Variants in STX17 observed in about 807,000 individuals in gnomAD.
STX17 encodes the protein syntaxin 17.
In STX17, 29 loss-of-function variants were observed where a neutral mutation model predicts 35.9. That is an observed-to-expected ratio of 0.81 (90% CI 0.60 to 1.10). STX17 has a LOEUF of 1.10. Among genes scored for constraint, STX17 ranks in the 50% least tolerant of loss-of-function variants. STX17 has a pLI of 0.00. For missense variants in STX17, 312 were observed against 352.3 expected, an observed-to-expected ratio of 0.89 and a Z score of 0.92; for synonymous variants, 92 against 118.3, an observed-to-expected ratio of 0.78 and a Z score of 1.44.
chr9:99,967,775 T>C (rs752034681), intron 7 of STX17, 36 bp downstream of exon 7: 1 of 1,582,036 alleles, frequency 6.3e-7, no homozygotes, highest in South Asian at 1.1e-5. Context: ...TCAATGGTAC[T>C]CTGGCTCCCA....
chr9:99,934,494 G>A (rs1829187101), intron 3 of STX17, among the ~76,000 whole-genome samples: 1 of 152,102 alleles, frequency 6.6e-6, no homozygotes, highest in Admixed American at 6.5e-5. Context: ...TGAAATAAGT[G>A]AGAAGTCATT....
At chr9:99,936,510 T>C (rs1479811691) in intron 3 of STX17, among the ~76,000 whole-genome samples, 1 of 152,210 alleles carries the variant, frequency 6.6e-6, no homozygotes, top group Non-Finnish European at 1.5e-5. Context: ...CTCTTTGATT[T>C]TATAACTAAA....
At chr9:99,937,311 G>T (rs1031688271) in intron 3 of STX17, among the ~76,000 whole-genome samples, 2 of 152,008 alleles carry the variant, frequency 1.3e-5, no homozygotes, top group African/African-American at 4.8e-5. Flanking sequence ...TCAAATATGG[G>T]CACTTTTTGG....
chr9:99,946,684 T>G (rs982001665), intron 3 of STX17, among the ~76,000 whole-genome samples: 2 of 152,222 alleles, frequency 1.3e-5, no homozygotes, highest in Non-Finnish European at 2.9e-5. Flanking sequence ...AGGCAAATTC[T>G]CTCAGCTTTT....
intron 6 of STX17, among the ~76,000 whole-genome samples, chr9:99,960,421 T>C (rs1455448907): frequency 4.6e-5 from 7 of 152,034 alleles, no homozygotes; most frequent in Non-Finnish European, 1.0e-4. Flanking sequence ...AAGCCCATTC[T>C]CTGCCTTTGA....
At chr9:99,907,761 A>G (rs1444011901) in intron 1 of STX17, among the ~76,000 whole-genome samples, 1 of 152,212 alleles carries the variant, frequency 6.6e-6, no homozygotes, top group East Asian at 1.9e-4. Context: ...CCATAGCGCA[A>G]TTATCAAAAG....
Position 99,959,906 on chromosome 9 carries a change from T to C in STX17, c.416-11T>C. ...ATAAACTCTAAACATGGGGTTATTA[T>C]GTTCATCCAGGAGCATTTCATACTA... On this transcript the variant is annotated splice_polypyrimidine_tract_variant and intron_variant, in intron 4 of 7. Coordinates refer to ENST00000259400, the MANE Select transcript of STX17 (RefSeq NM_017919.3). 6.3e-7 allele frequency: 1 copy of C among 1,586,196 alleles called. No individual in the cohort carries two copies. Among genetic ancestry groups the C allele is most frequent in the Non-Finnish European group, 8.6e-7 (1 of 1,159,248 alleles).
Position 99,906,680 on chromosome 9 carries a change from G to A in STX17, c.-89G>A, listed in dbSNP as rs1364359911. 1.3e-5 allele frequency: 2 copies of A among 151,128 alleles called. No individual in the cohort carries two copies. The highest frequency in any genetic ancestry group is 2.1e-4 in the South Asian group (1 of 4,734). The allele number at this position is 151,128 out of a possible 1,614,324, so 9.4% of individuals were successfully genotyped here. A position where few individuals can be genotyped will look rare whatever the true frequency, so the allele number is the denominator to read the frequency against. On this transcript the variant is annotated 5_prime_UTR_variant, in exon 1 of 8. Coordinates refer to ENST00000259400, the MANE Select transcript of STX17 (RefSeq NM_017919.3). ...CTCCTGCGCCTGCGCCGTGCCCACC[G>A]ACCGGCCTCGAGCGCCCCGGCGGGA...
At chr9:99,929,064 T>C (rs1378529117) in intron 3 of STX17, 2 of 436,778 alleles carry the variant, frequency 4.6e-6, no homozygotes, top group East Asian at 3.7e-5. Context: ...CACAGACTTA[T>C]ACTCTCACAA....
At chr9:99,932,974 A>G (rs1380513500) in intron 3 of STX17, among the ~76,000 whole-genome samples, 2 of 152,120 alleles carry the variant, frequency 1.3e-5, no homozygotes, top group Admixed American at 6.5e-5. Context: ...TAAATTATCA[A>G]TCTTTTATGG....
chr9:99,911,513 A>G (rs1291258568), intron 1 of STX17, among the ~76,000 whole-genome samples: 1 of 152,154 alleles, frequency 6.6e-6, no homozygotes, highest in East Asian at 1.9e-4. Flanking sequence ...TCCTTTGGAT[A>G]AATACCCAGT....
chr9:99,939,050 A>G (rs990720144), intron 3 of STX17, among the ~76,000 whole-genome samples: 1 of 152,206 alleles, frequency 6.6e-6, no homozygotes, highest in African/African-American at 2.4e-5. Flanking sequence ...TGGAATTTGT[A>G]GATGTGAGAT....
At position 99,972,824 on chromosome 9, in the gene STX17, A is replaced by G. The variant is rs568763594; in HGVS notation, c.*4151A>G. Among the ~76,000 whole-genome samples the G allele has an allele frequency of 1.2e-4, 19 of 152,270 alleles. No individual in the cohort carries two copies. The highest frequency in any genetic ancestry group is 2.4e-4 in the Non-Finnish European group (16 of 68,000). On this transcript the variant is annotated 3_prime_UTR_variant, in exon 8 of 8. Transcript: ENST00000259400. The stretch of plus-strand genomic sequence containing the variant: ...TGCTGCCATATGAAATCTTACAAGG[A>G]AGGATGAGGAAAAGCCTGGGGGGAG...
In STX17 at chr9:99,957,656, G is replaced by GT. The variant is rs139402328; in HGVS notation, c.416-2245dup. ...TTTTTGTTTTTATGTTATTGTTTTTGTTTTTTTTTTTTTTTTGAGACAGGG... is the reference window on the plus strand; with the variant it reads ...TTTTTGTTTTTATGTTATTGTTTTTGTTTTTTTTTTTTTTTTTGAGACAGGG... On this transcript the variant is annotated intron_variant, in intron 4 of 7. Transcript: ENST00000259400. 2.6e-3 allele frequency among the ~76,000 whole-genome samples: 349 copies of GT among 133,856 alleles called. 2 individuals carry two copies. The highest frequency in any genetic ancestry group is 3.4e-3 in the Non-Finnish European group (210 of 62,180). 87.8% of individuals were successfully genotyped at this position (133,856 alleles called of 152,430 possible). A position where few individuals can be genotyped will look rare whatever the true frequency, so the allele number is the denominator to read the frequency against.
chr9:99,934,841 A>T (rs1478191505), intron 3 of STX17, among the ~76,000 whole-genome samples: 1 of 152,146 alleles, frequency 6.6e-6, no homozygotes, highest in Non-Finnish European at 1.5e-5. Flanking sequence ...ATAATTAGCC[A>T]TTTTTCAGAA....
intron 1 of STX17, among the ~76,000 whole-genome samples, chr9:99,913,708 T>G (rs961829435): frequency 2.0e-5 from 3 of 152,184 alleles, no homozygotes; most frequent in Non-Finnish European, 4.4e-5. Context: ...GTCCCCAGTT[T>G]CCATTCACTG....
chr9:99,934,037 A>T (rs2118397408), intron 3 of STX17, among the ~76,000 whole-genome samples: 1 of 152,336 alleles, frequency 6.6e-6, no homozygotes, highest in African/African-American at 2.4e-5. Context: ...GTAAAAGTTA[A>T]TGTAAGTCAG....
intron 1 of STX17, among the ~76,000 whole-genome samples, chr9:99,911,034 CTT>C (rs77698220): frequency 3.5e-5 from 5 of 143,848 alleles, no homozygotes; most frequent in African/African-American, 5.1e-5. Context: ...GGATTTCATT[CTT>C]TTTTTTTTTT....
chr9:99,963,390 C>G (rs1458878467), intron 6 of STX17, among the ~76,000 whole-genome samples: 1 of 152,096 alleles, frequency 6.6e-6, no homozygotes, highest in Middle Eastern at 3.2e-3. Context: ...TTGACTTCTG[C>G]CTTTTGCCTT....
Sources: gnomAD v4.1 joint callset for allele counts (sites outside exome capture counted in the v4.1 genomes callset) on GRCh38, gnomAD v4.1.1 for gene constraint, MANE v1.5 for transcripts, NCBI Gene and HGNC (gene_info 2026-07-23, HGNC 2026-07-21) for gene names.